RALGPS1: variants seen among roughly 807,000 people sequenced by gnomAD.
The protein encoded by RALGPS1 is ras-specific guanine nucleotide-releasing factor RalGPS1.
A neutral mutation model predicts 78.8 loss-of-function variants in RALGPS1; 19 were observed. The observed-to-expected ratio is 0.24, with a 90% CI of 0.17 to 0.35. The LOEUF (loss-of-function observed/expected upper bound fraction) is 0.35. RALGPS1 is among the 10% of genes least tolerant of loss of function. RALGPS1 has a pLI of 1.00. For synonymous variants in RALGPS1, 228 were observed against 256.3 expected (o/e 0.89, Z 1.06); for missense variants, 454 against 688.3 (o/e 0.66, Z 3.81).
rs1185141463 is a variant in RALGPS1 at position 127,222,947 on chromosome 9, C to CT, written c.*4179dup. 1 of 152,650 alleles carries CT rather than the reference C, an allele frequency of 6.6e-6. No individual in the cohort carries two copies. Among genetic ancestry groups the CT allele is most frequent in the Non-Finnish European group, 1.5e-5 (1 of 68,042 alleles). The allele number at this position is 152,650 out of a possible 1,614,324, so 9.5% of individuals were successfully genotyped here. Reference sequence around the variant, plus strand: ...GCATGCAGTTGTGTAAGGACTTTCTCTAATTCTTGTGAATCGTCTCACCCG... The same window carrying CT: ...GCATGCAGTTGTGTAAGGACTTTCTCTTAATTCTTGTGAATCGTCTCACCCG... On this transcript the variant is annotated 3_prime_UTR_variant, in exon 19 of 19. Coordinates refer to ENST00000259351, the MANE Select transcript of RALGPS1 (RefSeq NM_014636.3).
rs557956432 is a variant in RALGPS1 at position 127,222,557 on chromosome 9, C to A, written c.*3788C>A. 2 of 152,304 alleles carry A rather than the reference C, an allele frequency of 1.3e-5. No homozygotes were observed. Among genetic ancestry groups the A allele is most frequent in the African/African-American group, 4.8e-5 (2 of 41,430 alleles). 9.4% of individuals were successfully genotyped at this position (152,304 alleles called of 1,614,324 possible). Reference sequence around the variant, plus strand: ...AGAACTTGTACCATGGACTTCAGACCGCCTTGCAGCCGTATGCTGCACAAG... The same window carrying A: ...AGAACTTGTACCATGGACTTCAGACAGCCTTGCAGCCGTATGCTGCACAAG... On this transcript the variant is annotated 3_prime_UTR_variant, in exon 19 of 19. Coordinates refer to ENST00000259351, the MANE Select transcript of RALGPS1 (RefSeq NM_014636.3).
In RALGPS1 at chr9:127,220,748, G is replaced by GT. The variant is rs2062751742; in HGVS notation, c.*1980dup. ...GTAAGTTTGGATGAAAGTGCAAGAT[G>GT]TGGAACATCAACTACCTATTTTCCT... On this transcript the variant is annotated 3_prime_UTR_variant, in exon 19 of 19. Transcript: ENST00000259351. The GT allele has an allele frequency of 1.3e-5, 2 of 152,382 alleles. No individual in the cohort carries two copies. Among genetic ancestry groups the GT allele is most frequent in the Admixed American group, 6.5e-5 (1 of 15,282 alleles). The allele number at this position is 152,382 out of a possible 1,614,324, so 9.4% of individuals were successfully genotyped here.
intron 4 of RALGPS1, among the ~76,000 whole-genome samples, chr9:127,010,727 T>C (rs2133886322): frequency 6.6e-6 from 1 of 152,372 alleles, no homozygotes; most frequent in African/African-American, 2.4e-5. Flanking sequence ...GAATGAGTGA[T>C]GGCTCCTGCT....
intron 8 of RALGPS1, among the ~76,000 whole-genome samples, chr9:127,133,203 G>A (rs2057129923): frequency 1.3e-5 from 2 of 152,240 alleles, no homozygotes; most frequent in African/African-American, 4.8e-5. Context: ...GAGGGAATGG[G>A]AGGAGGAGGC....
intron 14 of RALGPS1, among the ~76,000 whole-genome samples, chr9:127,201,568 C>T (rs557765248): frequency 3.3e-5 from 5 of 152,348 alleles, no homozygotes; most frequent in African/African-American, 1.2e-4. Flanking sequence ...ACAGGAGAGT[C>T]GGAGGGGAAG....
At chr9:127,178,255 A>C (rs1236530409) in intron 11 of RALGPS1, 2 of 364,542 alleles carry the variant, frequency 5.5e-6, no homozygotes, top group Admixed American at 3.8e-5. Flanking sequence ...TCCAATAGAA[A>C]GCTGGGGGCA....
chr9:127,160,471 G>A (rs771660968), intron 8 of RALGPS1, among the ~76,000 whole-genome samples: 2 of 152,212 alleles, frequency 1.3e-5, no homozygotes, highest in South Asian at 2.1e-4. Flanking sequence ...TGGCACTCAT[G>A]TGGCAGCTAC....
At chr9:127,050,166 C>G in intron 6 of RALGPS1, 34 bp downstream of exon 6, 2 of 1,501,568 alleles carry the variant, frequency 1.3e-6, no homozygotes, top group African/African-American at 2.8e-5. Context: ...CCTTCCTTTC[C>G]CTCTTCTCTC....
At chr9:127,199,178 G>T in intron 14 of RALGPS1, 112 bp downstream of exon 14, 1 of 943,918 alleles carries the variant, frequency 1.1e-6, no homozygotes. Context: ...CCATGAGGCT[G>T]CTCTGTGGCT....
chr9:127,208,475 G>T (rs911927995), intron 14 of RALGPS1, among the ~76,000 whole-genome samples: 1 of 152,184 alleles, frequency 6.6e-6, no homozygotes, highest in African/African-American at 2.4e-5. Flanking sequence ...CTGGGTTCAA[G>T]TCCTAGCTTA....
intron 5 of RALGPS1, 143 bp from the exon 6 acceptor site, chr9:127,049,900 A>G (rs2048148631): frequency 3.0e-6 from 2 of 658,404 alleles, no homozygotes; most frequent in African/African-American, 3.6e-5. Context: ...TCTTTAACTC[A>G]TGTGACCCCA....
chr9:126,957,818 A>G (rs1416945368), intron 1 of RALGPS1, among the ~76,000 whole-genome samples: 2 of 151,772 alleles, frequency 1.3e-5, no homozygotes, highest in African/African-American at 4.8e-5. Context: ...TGCACTAGAC[A>G]TTCCTCAAAG....
chr9:127,177,907 C>A, intron 11 of RALGPS1: 1 of 1,549,390 alleles, frequency 6.5e-7, no homozygotes, highest in Non-Finnish European at 8.7e-7. Context: ...CCATGTGAGA[C>A]CAGAAACCAG....
chr9:127,196,849 G>A (rs2061374388), intron 13 of RALGPS1, among the ~76,000 whole-genome samples: 1 of 152,242 alleles, frequency 6.6e-6, no homozygotes, highest in African/African-American at 2.4e-5. Context: ...AAGAGCCCTG[G>A]ATCTGTCGTC....
chr9:127,024,743 T>C (rs907197354), intron 4 of RALGPS1, among the ~76,000 whole-genome samples: 4 of 152,144 alleles, frequency 2.6e-5, no homozygotes, highest in Non-Finnish European at 5.9e-5. Flanking sequence ...TATTATATGT[T>C]GATTCATGTT....
chr9:126,915,630 G>T (rs1564245162), intron 1 of RALGPS1, among the ~76,000 whole-genome samples: 1 of 152,176 alleles, frequency 6.6e-6, no homozygotes, highest in Non-Finnish European at 1.5e-5. Context: ...GGGCCTGCCT[G>T]TGCCTCTGCT....
At chr9:126,933,866 C>T (rs1440692451) in intron 1 of RALGPS1, among the ~76,000 whole-genome samples, 1 of 152,110 alleles carries the variant, frequency 6.6e-6, no homozygotes, top group Non-Finnish European at 1.5e-5. Context: ...CTCTTTTTCA[C>T]ACAGCAACAT....
intron 4 of RALGPS1, among the ~76,000 whole-genome samples, chr9:127,032,312 T>C (rs1021382940): frequency 4.6e-5 from 7 of 152,232 alleles, no homozygotes; most frequent in Non-Finnish European, 2.9e-5. Context: ...TCTGAAGTTA[T>C]TACGGTGTGG....
At chr9:127,160,015 T>G (rs1369382986) in intron 8 of RALGPS1, among the ~76,000 whole-genome samples, 1 of 152,112 alleles carries the variant, frequency 6.6e-6, no homozygotes, top group Admixed American at 6.5e-5. Context: ...CACAGCAGAA[T>G]TTTCCTTATT....
Sources: gnomAD v4.1 joint callset for allele counts (sites outside exome capture counted in the v4.1 genomes callset) on GRCh38, gnomAD v4.1.1 for gene constraint, MANE v1.5 for transcripts, NCBI Gene and HGNC (gene_info 2026-07-23, HGNC 2026-07-21) for gene names.